CCSER1: variants seen among roughly 807,000 people sequenced by gnomAD.
The protein encoded by CCSER1 is coiled-coil serine rich protein 1, also known as serine-rich coiled-coil domain-containing protein 1.
CCSER1 carries 41 observed loss-of-function variants against 82.0 expected under a neutral mutation model. That is an observed-to-expected ratio of 0.50 (90% CI 0.39 to 0.65). CCSER1 has a LOEUF of 0.65. Ranked by LOEUF, CCSER1 falls within the 30% of genes least tolerant of loss-of-function variation. CCSER1 has a pLI of 0.00. For missense variants in CCSER1, 1,119 were observed against 1,064.2 expected (o/e 1.05, Z -0.72); for synonymous variants, 414 against 383.9 (o/e 1.08, Z -0.92).
chr4:90,840,905 C>G (rs113666857), intron 8 of CCSER1, among the ~76,000 whole-genome samples: 9 of 152,234 alleles, frequency 5.9e-5, no homozygotes, highest in African/African-American at 2.2e-4. Context: ...CCTCTTAAAA[C>G]AACTTCTAAA....
intron 10 of CCSER1, among the ~76,000 whole-genome samples, chr4:91,488,279 T>C (rs1295672545): frequency 6.6e-6 from 1 of 152,246 alleles, no homozygotes; most frequent in African/African-American, 2.4e-5. Context: ...GCAATTATTT[T>C]ATGTGATTTT....
At chr4:90,281,646 G>T (rs901403622) in intron 1 of CCSER1, among the ~76,000 whole-genome samples, 1 of 151,958 alleles carries the variant, frequency 6.6e-6, no homozygotes. Context: ...GTAGTAAAGT[G>T]ATTCATAGGA....
At chr4:90,783,056 C>T (rs1476795390) in intron 7 of CCSER1, among the ~76,000 whole-genome samples, 1 of 152,126 alleles carries the variant, frequency 6.6e-6, no homozygotes, top group African/African-American at 2.4e-5. Flanking sequence ...ATTCTCCTGC[C>T]TCAGCCTCCC....
At chr4:90,864,492 T>TCCATGTGATACCTCCTA (rs1444297633) in intron 8 of CCSER1, among the ~76,000 whole-genome samples, 3 of 151,962 alleles carry the variant, frequency 2.0e-5, no homozygotes, top group Non-Finnish European at 4.4e-5. Flanking sequence ...AAGCTCTCTC[T>TCCATGTGATACCTCCTA]CCATGTGATA....
At chr4:90,884,550 C>G (rs907528863) in intron 8 of CCSER1, among the ~76,000 whole-genome samples, 24 of 152,158 alleles carry the variant, frequency 1.6e-4, no homozygotes, top group African/African-American at 5.1e-4. Flanking sequence ...TAGCTCTATA[C>G]AGAAGACTTG....
intron 10 of CCSER1, among the ~76,000 whole-genome samples, chr4:91,369,764 G>A (rs1352206610): frequency 7.2e-6 from 1 of 138,728 alleles, no homozygotes; most frequent in East Asian, 2.2e-4. Context: ...TGCCTCCTGT[G>A]TTCAAGTGAT....
intron 10 of CCSER1, among the ~76,000 whole-genome samples, chr4:91,205,969 A>G (rs1198288644): frequency 6.6e-6 from 1 of 151,870 alleles, no homozygotes; most frequent in African/African-American, 2.4e-5. Flanking sequence ...AAGTAAAGTA[A>G]CATCTTACAA....
intron 3 of CCSER1, among the ~76,000 whole-genome samples, chr4:90,374,530 T>C (rs1275821493): frequency 1.3e-5 from 2 of 152,176 alleles, no homozygotes; most frequent in Non-Finnish European, 2.9e-5. Flanking sequence ...ATGTATTGTT[T>C]TGGTTGCTGT....
At chr4:90,511,440 C>A (rs1771493478) in intron 5 of CCSER1, among the ~76,000 whole-genome samples, 1 of 152,042 alleles carries the variant, frequency 6.6e-6, no homozygotes, top group Non-Finnish European at 1.5e-5. Context: ...AGATAAAAAT[C>A]CTTGGTAACT....
intron 10 of CCSER1, among the ~76,000 whole-genome samples, chr4:91,369,818 G>A (rs545576391): frequency 2.0e-5 from 3 of 150,334 alleles, no homozygotes; most frequent in East Asian, 2.0e-4. Flanking sequence ...TTGGGAGCAC[G>A]CCCACCACGC....
At chr4:90,447,339 G>GA (rs1281409682) in intron 4 of CCSER1, among the ~76,000 whole-genome samples, 10 of 149,886 alleles carry the variant, frequency 6.7e-5, no homozygotes, top group African/African-American at 2.5e-4. Context: ...GTCTTCCTGG[G>GA]GAAAAAAAAA....
chr4:90,598,204 T>C (rs1251904675), intron 5 of CCSER1, among the ~76,000 whole-genome samples: 1 of 152,132 alleles, frequency 6.6e-6, no homozygotes, highest in Non-Finnish European at 1.5e-5. Context: ...TTAATTTACA[T>C]AGGACCTTTG....
At chr4:90,236,328 C>A (rs918746012) in intron 1 of CCSER1, among the ~76,000 whole-genome samples, 2 of 152,040 alleles carry the variant, frequency 1.3e-5, no homozygotes, top group East Asian at 1.9e-4. Context: ...TTTTCTTAAT[C>A]GAGAAAAGCA....
At chr4:90,788,462 G>A (rs74549318) in intron 7 of CCSER1, among the ~76,000 whole-genome samples, 12 of 152,260 alleles carry the variant, frequency 7.9e-5, no homozygotes, top group Middle Eastern at 3.4e-3. Flanking sequence ...AGGTGCTAGG[G>A]AAGGATCTAT....
chr4:91,576,660 G>A (rs1763465953), intron 10 of CCSER1, among the ~76,000 whole-genome samples: 1 of 151,914 alleles, frequency 6.6e-6, no homozygotes, highest in Non-Finnish European at 1.5e-5. Context: ...GTCTTGGGAG[G>A]TGACTGAAGT....
chr4:91,091,680 C>A (rs977052008), intron 10 of CCSER1, among the ~76,000 whole-genome samples: 4 of 152,178 alleles, frequency 2.6e-5, no homozygotes, highest in Admixed American at 2.0e-4. Context: ...TTTGGCCTCC[C>A]AGGTTCCAGT....
rs377260738 is a variant in CCSER1 at position 90,750,404 on chromosome 4, A to G, written c.2010+26413A>G. 5.8e-3 allele frequency among the ~76,000 whole-genome samples: 889 copies of G among 152,210 alleles called. 8 individuals are homozygous for G. Among genetic ancestry groups the G allele is most frequent in the African/African-American group, 0.02 (845 of 41,554 alleles). ...ACTTTTAGCTAACCCTCTAGTTGCC[A>G]GCCCCATCTTTACTCCCACTTTGTT... On this transcript the variant is annotated intron_variant, in intron 7 of 10. Transcript: ENST00000509176.
At chr4:90,405,878 A>G (rs960187561) in intron 4 of CCSER1, among the ~76,000 whole-genome samples, 4 of 152,192 alleles carry the variant, frequency 2.6e-5, no homozygotes, top group Non-Finnish European at 5.9e-5. Context: ...ATCTTGAAAC[A>G]AATTTTCAAA....
At chr4:90,173,027 G>A (rs1204407144) in intron 1 of CCSER1, among the ~76,000 whole-genome samples, 2 of 151,678 alleles carry the variant, frequency 1.3e-5, no homozygotes, top group African/African-American at 4.8e-5. Context: ...TATTTGGCAG[G>A]GAAAGTGGCG....
Sources: allele counts gnomAD v4.1 joint callset (sites outside exome capture counted in the v4.1 genomes callset), GRCh38; gene constraint gnomAD v4.1.1; transcripts MANE v1.5; gene names NCBI Gene and HGNC (gene_info 2026-07-23, HGNC 2026-07-21).